TENM3: variants seen among roughly 807,000 people sequenced by gnomAD.
TENM3 encodes teneurin transmembrane protein 3.
In TENM3, 63 loss-of-function variants were observed where a neutral mutation model predicts 255.1. That is an observed-to-expected ratio of 0.25 (90% confidence interval 0.20 to 0.30). The LOEUF (loss-of-function observed/expected upper bound fraction) is 0.30. TENM3 is among the 10% of genes least tolerant of loss of function. The pLI is 1.00. For synonymous variants in TENM3, 1,306 were observed against 1,322.3 expected (o/e 0.99, Z 0.27); for missense variants, 2,929 against 3,461.1 (o/e 0.85, Z 3.86).
intron 12 of TENM3, among the ~76,000 whole-genome samples, chr4:182,689,987 A>T (rs1756890938): frequency 6.6e-6 from 1 of 152,188 alleles, no homozygotes; most frequent in Non-Finnish European, 1.5e-5. Context: ...TAAGATTTTT[A>T]TTGGGGCTTC....
intron 3 of TENM3, among the ~76,000 whole-genome samples, chr4:182,371,934 A>G (rs1054527019): frequency 6.6e-6 from 1 of 152,210 alleles, no homozygotes; most frequent in African/African-American, 2.4e-5. Flanking sequence ...CTAGGTTTGA[A>G]AGAGAATACA....
the TENM3 span, among the ~76,000 whole-genome samples, chr4:181,464,938 A>T: frequency 6.6e-6 from 1 of 152,192 alleles, no homozygotes; most frequent in Non-Finnish European, 1.5e-5. Flanking sequence ...GGGCAACAAG[A>T]GTGAAATCAC....
At chr4:181,989,994 T>C in the TENM3 span, among the ~76,000 whole-genome samples, 1 of 152,278 alleles carries the variant, frequency 6.6e-6, no homozygotes, top group South Asian at 2.1e-4. Flanking sequence ...CATATATAAA[T>C]GATTTGTTAC....
At chr4:182,268,134 A>C (rs1759363632) in intron 1 of TENM3, among the ~76,000 whole-genome samples, 1 of 152,198 alleles carries the variant, frequency 6.6e-6, no homozygotes, top group Non-Finnish European at 1.5e-5. Context: ...ACTTGAAATA[A>C]CTTTACTTAT....
intron 1 of TENM3, among the ~76,000 whole-genome samples, chr4:182,289,883 C>T (rs1760997211): frequency 1.3e-5 from 2 of 152,144 alleles, no homozygotes; most frequent in South Asian, 4.1e-4. Context: ...CGCGGCTCCA[C>T]CCTAGAGATG....
intron 3 of TENM3, among the ~76,000 whole-genome samples, chr4:182,579,378 A>G (rs1745261853): frequency 6.6e-6 from 1 of 152,214 alleles, no homozygotes; most frequent in African/African-American, 2.4e-5. Context: ...AGAGGAAAGA[A>G]CATAACCAAA....
the TENM3 span, among the ~76,000 whole-genome samples, chr4:181,984,429 G>A: frequency 4.0e-5 from 6 of 151,764 alleles, no homozygotes; most frequent in South Asian, 1.0e-3. Context: ...TTTATGGATT[G>A]TTTAAAATTT....
the TENM3 span, among the ~76,000 whole-genome samples, chr4:181,592,410 G>T: frequency 4.2e-4 from 63 of 150,130 alleles, no homozygotes; most frequent in Admixed American, 3.0e-3. Flanking sequence ...ACTTTGCCTG[G>T]TCACAAAAGC....
intron 1 of TENM3, among the ~76,000 whole-genome samples, chr4:182,228,329 T>C (rs1375921674): frequency 2.0e-5 from 3 of 147,824 alleles, no homozygotes; most frequent in Non-Finnish European, 4.5e-5. Flanking sequence ...CATCATGTTA[T>C]ATACCTTAAA....
In TENM3 at chr4:182,792,766, G is replaced by A; in HGVS notation, c.6094G>A (p.Gly2032Ser). 6 of 1,613,866 alleles carry A rather than the reference G, an allele frequency of 3.7e-6. No individual in the cohort carries two copies. Among genetic ancestry groups the A allele is most frequent in the Non-Finnish European group, 5.1e-6 (6 of 1,179,884 alleles). The change falls in exon 26 of 28, where the codon GGT becomes AGT. Residue 2032 changes from glycine (G) to serine (S), a missense_variant. This residue lies in a region of TENM3 where 303 missense variants were observed against 425.2 expected (regional missense o/e 0.71). Transcript: ENST00000511685. The surrounding 1 kb of genome is among the most constrained non-coding windows in gnomAD (Gnocchi z 6.3). The part of the protein sequence containing the change: ...DNSFRVTSMQ[G>S]VINETPLPID... ...CAGCTTTCGAGTGACCAGCATGCAG[G>A]GTGTGATCAATGAAACGCCACTGCC...
the TENM3 span, among the ~76,000 whole-genome samples, chr4:181,927,159 G>A: frequency 4.6e-5 from 7 of 152,132 alleles, no homozygotes; most frequent in African/African-American, 7.2e-5. Flanking sequence ...CAAGCGAGAC[G>A]GAACCGTTCA....
rs369564024 is a variant in TENM3 at position 182,376,194 on chromosome 4, G to A, written c.511+29265G>A. Among the ~76,000 whole-genome samples, 19 of 152,262 alleles carry A rather than the reference G, an allele frequency of 1.2e-4. No homozygotes were observed. The East Asian group carries it at 3.5e-3, about 28-fold the overall frequency. ...TTGGCACGCTTTTGGAATCAATATT[G>A]TAGAATACTGTAAGGGGAAAAAATA... On this transcript the variant is annotated intron_variant, in intron 3 of 27. Transcript: ENST00000511685.
At chr4:181,630,842 C>G in the TENM3 span, among the ~76,000 whole-genome samples, 2 of 151,958 alleles carry the variant, frequency 1.3e-5, no homozygotes, top group Admixed American at 6.6e-5. Context: ...GTTCTGTAGA[C>G]GTCTATTAGG....
the TENM3 span, among the ~76,000 whole-genome samples, chr4:181,821,891 T>C: frequency 6.6e-6 from 1 of 152,194 alleles, no homozygotes; most frequent in East Asian, 1.9e-4. Flanking sequence ...TGTTTGGAAG[T>C]ACAAGGCAAC....
the TENM3 span, among the ~76,000 whole-genome samples, chr4:181,984,083 T>C: frequency 1.3e-5 from 2 of 152,030 alleles, no homozygotes; most frequent in African/African-American, 4.8e-5. Flanking sequence ...CTTCCCTTTC[T>C]GTCCCCTTTT....
chr4:182,518,543 T>C (rs11725665), intron 3 of TENM3, among the ~76,000 whole-genome samples: 41,630 of 151,886 alleles, frequency 0.27, 6,496 homozygotes, highest in South Asian at 0.38. Flanking sequence ...AACTGCTGTG[T>C]TATGAAGCTG....
the TENM3 span, among the ~76,000 whole-genome samples, chr4:181,721,599 CAAAAAAAAAA>C: frequency 3.9e-5 from 1 of 25,590 alleles, no homozygotes; most frequent in Non-Finnish European, 6.7e-5. Context: ...GACTCCGTCT[CAAAAAAAAAA>C]AAAAAAAAAA....
At chr4:181,597,810 G>A in the TENM3 span, among the ~76,000 whole-genome samples, 5 of 152,134 alleles carry the variant, frequency 3.3e-5, no homozygotes, top group African/African-American at 1.2e-4. Flanking sequence ...CTCCAGAGTT[G>A]CCATAGAAGG....
intron 1 of TENM3, among the ~76,000 whole-genome samples, chr4:182,262,775 C>G (rs571281231): frequency 3.6e-4 from 53 of 147,842 alleles, no homozygotes; most frequent in South Asian, 1.7e-3. Flanking sequence ...ATGCAGTGGC[C>G]TGATCTCAGC....
Sources: gnomAD v4.1 joint callset for allele counts (sites outside exome capture counted in the v4.1 genomes callset) on GRCh38, gnomAD v4.1.1 for gene constraint, gnomAD v4.1.1 regional missense constraint, Gnocchi (gnomAD v3.1) non-coding constraint, MANE v1.5 for transcripts, NCBI Gene and HGNC (gene_info 2026-07-23, HGNC 2026-07-21) for gene names.